The following CPAMD8 variants were observed in gnomAD, a reference collection of about 807,000 sequenced individuals.
The protein encoded by CPAMD8 is C3 and PZP-like alpha-2-macroglobulin domain-containing protein 8.
A neutral mutation model predicts 224.7 loss-of-function variants in CPAMD8; 146 were observed. The observed-to-expected ratio is 0.65, with a 90% CI of 0.57 to 0.75. The LOEUF (loss-of-function observed/expected upper bound fraction) is 0.75, where lower values mean the gene tolerates loss of function less well. Ranked by LOEUF, CPAMD8 falls within the 30% of genes least tolerant of loss-of-function variation. The pLI is 0.00. For missense variants in CPAMD8, 2,301 were observed against 2,537.5 expected, an observed-to-expected ratio of 0.91 and a Z score of 2.00; for synonymous variants, 966 against 1,044.6, an observed-to-expected ratio of 0.92 and a Z score of 1.45.
At chr19:16,969,682 C>A (rs1290205038) in intron 18 of CPAMD8, among the ~76,000 whole-genome samples, 1 of 151,400 alleles carries the variant, frequency 6.6e-6, no homozygotes, top group African/African-American at 2.4e-5. Context: ...GAGTTTGAGA[C>A]CAGTGTGCCT....
At chr19:16,957,617 A>C (rs1011274443) in intron 19 of CPAMD8, 1 of 530,008 alleles carries the variant, frequency 1.9e-6, no homozygotes, top group Admixed American at 3.3e-5. Flanking sequence ...CCCAAGAGGG[A>C]GTTATAAGAG....
chr19:16,946,294 T>A (rs111163911), intron 21 of CPAMD8, among the ~76,000 whole-genome samples: 29,414 of 149,120 alleles, frequency 0.2, 2,981 homozygotes, highest in Non-Finnish European at 0.21. Flanking sequence ...GTGTGATGCA[T>A]GTCTACACAT....
intron 13 of CPAMD8, among the ~76,000 whole-genome samples, chr19:16,985,321 G>C (rs555434486): frequency 6.7e-6 from 1 of 149,180 alleles, no homozygotes; most frequent in East Asian, 2.0e-4. Flanking sequence ...ATGGATGAAG[G>C]GTGGATGAAT....
At chr19:16,906,084 C>A (rs2052465826) in intron 30 of CPAMD8, among the ~76,000 whole-genome samples, 1 of 152,094 alleles carries the variant, frequency 6.6e-6, no homozygotes, top group African/African-American at 2.4e-5. Context: ...CTGAGAACTC[C>A]CCTTCCAGAG....
chr19:16,901,598 G>C (rs535357718), intron 35 of CPAMD8, among the ~76,000 whole-genome samples: 1 of 152,316 alleles, frequency 6.6e-6, no homozygotes. Context: ...CTGGGAAGCA[G>C]CTGGCGACCC....
At chr19:17,019,668 A>C (rs1277847236) in intron 3 of CPAMD8, among the ~76,000 whole-genome samples, 29 of 149,826 alleles carry the variant, frequency 1.9e-4, no homozygotes, top group Non-Finnish European at 3.0e-5. Flanking sequence ...CGATCCTCCT[A>C]CCTCAGCCTC....
chr19:16,988,535 T>C (rs930840729), intron 13 of CPAMD8, among the ~76,000 whole-genome samples: 5 of 151,482 alleles, frequency 3.3e-5, no homozygotes, highest in Admixed American at 3.3e-4. Context: ...ACTTGAACCC[T>C]GGAGACGGAA....
chr19:16,979,561 T>C (rs1472425894), intron 14 of CPAMD8, among the ~76,000 whole-genome samples: 2 of 150,980 alleles, frequency 1.3e-5, no homozygotes, highest in Non-Finnish European at 3.0e-5. Context: ...TATCCACCTA[T>C]CCATCCATCC....
At chr19:16,893,456 CGG>C in intron 41 of CPAMD8, 117 bp from the exon 42 acceptor site, 2 of 672,382 alleles carry the variant, frequency 3.0e-6, no homozygotes, top group Non-Finnish European at 4.9e-6. Flanking sequence ...GGGAACCCAC[CGG>C]CCAGGGCAGC....
chr19:16,903,169 G>A (rs2052330715), intron 34 of CPAMD8, among the ~76,000 whole-genome samples: 2 of 152,114 alleles, frequency 1.3e-5, no homozygotes, highest in Admixed American at 6.5e-5. Flanking sequence ...ATCAGAAAAC[G>A]GAGGCTAGCG....
chr19:16,933,333 CTTAA>C (rs1362323904), intron 23 of CPAMD8, among the ~76,000 whole-genome samples: 14 of 151,638 alleles, frequency 9.2e-5, no homozygotes, highest in Non-Finnish European at 1.8e-4. Context: ...ATAAATTGCA[CTTAA>C]TTAATATAAA....
intron 26 of CPAMD8, 45 bp from the exon 27 acceptor site, chr19:16,922,031 C>G: frequency 1.5e-6 from 2 of 1,347,960 alleles, no homozygotes; most frequent in Non-Finnish European, 2.1e-6. Flanking sequence ...AGTGGCCTGG[C>G]CCAGGCCCGC....
chr19:16,912,377 A>G (rs2052761458), intron 29 of CPAMD8, among the ~76,000 whole-genome samples: 1 of 152,208 alleles, frequency 6.6e-6, no homozygotes, highest in Admixed American at 6.5e-5. Flanking sequence ...TGGAGAAGGC[A>G]GAAAAAGATT....
intron 19 of CPAMD8, among the ~76,000 whole-genome samples, chr19:16,955,181 G>A (rs1370768652): frequency 2.0e-5 from 3 of 151,878 alleles, no homozygotes; most frequent in African/African-American, 4.9e-5. Flanking sequence ...TATAGTCCCA[G>A]CTATTTGGAA....
intron 22 of CPAMD8, among the ~76,000 whole-genome samples, chr19:16,944,206 G>A (rs576463059): frequency 1.3e-5 from 2 of 152,322 alleles, no homozygotes. Flanking sequence ...GAAGAGGTAG[G>A]AGGAGCATTT....
chr19:17,019,966 C>CTTTTTTTTTTTT (rs2056910542), intron 3 of CPAMD8, among the ~76,000 whole-genome samples: 1 of 115,928 alleles, frequency 8.6e-6, no homozygotes, highest in Non-Finnish European at 1.8e-5. Context: ...TTTTTTTTTT[C>CTTTTTTTTTTTT]TTTTCTTTTT....
At chr19:16,896,056 G>T in intron 41 of CPAMD8, 120 bp downstream of exon 41, 1 of 1,125,154 alleles carries the variant, frequency 8.9e-7, no homozygotes, top group Non-Finnish European at 1.3e-6. Context: ...CCCACTGCCA[G>T]TGGGGGGTCG....
At chr19:16,951,211 G>A (rs1246456863) in intron 20 of CPAMD8, among the ~76,000 whole-genome samples, 1 of 152,044 alleles carries the variant, frequency 6.6e-6, no homozygotes, top group Non-Finnish European at 1.5e-5. Flanking sequence ...TATAAACCGG[G>A]ATCCCAAGCA....
Position 16,914,717 on chromosome 19 carries a change from C to T in CPAMD8, c.3726G>A (p.Gln1242=). 1.2e-6 allele frequency: 2 copies of T among 1,614,150 alleles called. No homozygotes were observed. Among genetic ancestry groups the T allele is most frequent in the Non-Finnish European group, 1.7e-6 (2 of 1,180,010 alleles). Residue 1242 remains glutamine, a synonymous_variant, in exon 28 of 42, where the codon CAG becomes CAA. Transcript: ENST00000443236. ...ELAAAKSWII[Q]QQQADGSFLA... is the part of the protein sequence containing the mutation. ...GGAAGGAGCCATCGGCCTGCTGCTG[C>T]TGGATGATCCAGCTCTTGGCGGCAG...
Sources: gnomAD v4.1 joint callset for allele counts (sites outside exome capture counted in the v4.1 genomes callset) on GRCh38, gnomAD v4.1.1 for gene constraint, MANE v1.5 for transcripts, NCBI Gene and HGNC (gene_info 2026-07-23, HGNC 2026-07-21) for gene names.